The following SLC15A5 variants were observed in gnomAD, a reference collection of about 807,000 sequenced individuals.
The protein encoded by SLC15A5 is Peptide/histidine transporter ENSP00000340402.
A neutral mutation model predicts 56.1 loss-of-function variants in SLC15A5; 58 were observed. That is an observed-to-expected ratio of 1.03 (90% CI 0.84 to 1.29). The LOEUF (loss-of-function observed/expected upper bound fraction) is 1.29. Ranked by LOEUF, SLC15A5 falls within the 50% of genes most tolerant of loss-of-function variation. The pLI, the probability that SLC15A5 is intolerant of heterozygous loss-of-function variation, is 0.00. For missense variants in SLC15A5, 681 were observed against 672.1 expected, an observed-to-expected ratio of 1.01 and a Z score of -0.15; for synonymous variants, 264 against 250.5, an observed-to-expected ratio of 1.05 and a Z score of -0.51.
intron 7 of SLC15A5, among the ~76,000 whole-genome samples, chr12:16,215,851 T>C (rs941114256): frequency 6.6e-6 from 1 of 152,196 alleles, no homozygotes; most frequent in East Asian, 1.9e-4. Flanking sequence ...ATTTCATTGC[T>C]TCCTTGTACC....
In SLC15A5 at chr12:16,243,341, G is replaced by C. The variant is rs558520523; in HGVS notation, c.975+1239C>G. On this transcript the variant is annotated intron_variant, in intron 4 of 8. Transcript: ENST00000344941. The surrounding 1 kb of genome is among the most constrained non-coding windows in gnomAD (Gnocchi z 4.4). ...TTCTCCAGCCTCAGCCTCCCAAGCA[G>C]CTCGGATTACAGGCATGGCCACCAC... 7.3e-5 allele frequency among the ~76,000 whole-genome samples: 11 copies of C among 151,636 alleles called. No homozygotes were observed. In the South Asian group the frequency reaches 2.1e-3, roughly 29 times the overall value.
At chr12:16,253,195 C>T (rs1448160933) in intron 3 of SLC15A5, among the ~76,000 whole-genome samples, 1 of 151,974 alleles carries the variant, frequency 6.6e-6, no homozygotes, top group Non-Finnish European at 1.5e-5. Flanking sequence ...AACTATAGGG[C>T]AACAGCTTCA....
At chr12:16,256,597 C>A (rs1211070524) in intron 3 of SLC15A5, among the ~76,000 whole-genome samples, 1 of 152,168 alleles carries the variant, frequency 6.6e-6, no homozygotes, top group Non-Finnish European at 1.5e-5. Context: ...TGGTGGCTCA[C>A]GCCTGTAATC....
chr12:16,189,855 G>T, intron 8 of SLC15A5, 40 bp from the exon 9 acceptor site: 1 of 1,366,976 alleles, frequency 7.3e-7, no homozygotes, highest in South Asian at 1.8e-5. Context: ...AGGACCAGAT[G>T]TAGATGAATT....
At chr12:16,193,839 GAGAGA>G (rs1464903316) in intron 8 of SLC15A5, among the ~76,000 whole-genome samples, 17 of 133,172 alleles carry the variant, frequency 1.3e-4, no homozygotes, top group African/African-American at 4.8e-4. Flanking sequence ...GAGAGAGAGA[GAGAGA>G]GGCTGGCAAT....
rs1236401787 is a variant in SLC15A5, at chr12:16,237,940, G to A, written c.1162+1741C>T. 1.3e-5 allele frequency among the ~76,000 whole-genome samples: 2 copies of A among 152,002 alleles called. No individual in the cohort carries two copies. The highest frequency in any genetic ancestry group is 2.9e-5 in the Non-Finnish European group (2 of 68,010). ...TTATCTTTATTTTACTGCTAATCCTGGACATTCACCAAATATGTGCTGGCT... is the reference window on the plus strand; with the variant it reads ...TTATCTTTATTTTACTGCTAATCCTAGACATTCACCAAATATGTGCTGGCT... On this transcript the variant is annotated intron_variant, in intron 5 of 8. Transcript: ENST00000344941. The surrounding 1 kb of genome is among the most constrained non-coding windows in gnomAD (Gnocchi z 4.1).
At chr12:16,250,985 G>C (rs539480917) in intron 3 of SLC15A5, among the ~76,000 whole-genome samples, 7 of 151,782 alleles carry the variant, frequency 4.6e-5, no homozygotes, top group Non-Finnish European at 8.8e-5. Context: ...GATAAATAGG[G>C]AATAATATTT....
At chr12:16,263,361 T>C (rs1864661558) in intron 2 of SLC15A5, among the ~76,000 whole-genome samples, 1 of 152,170 alleles carries the variant, frequency 6.6e-6, no homozygotes, top group Non-Finnish European at 1.5e-5. Flanking sequence ...TTAGGGCATC[T>C]GGCAGAAAAA....
At position 16,244,810 on chromosome 12, in the gene SLC15A5, A is replaced by G; in HGVS notation, c.755-10T>C. 6.5e-7 allele frequency: 1 copy of G among 1,535,610 alleles called. No individual in the cohort carries two copies. Among genetic ancestry groups the G allele is most frequent in the Non-Finnish European group, 8.7e-7 (1 of 1,145,146 alleles). On this transcript the variant is annotated splice_polypyrimidine_tract_variant and intron_variant, in intron 3 of 8. Coordinates refer to ENST00000344941, the MANE Select transcript of SLC15A5 (RefSeq NM_001170798.1). ...GTCAGGAGAGAACAACCTGCAAGTA[A>G]TCGGAGATATTATGTATTAGTATAG... is the stretch of plus-strand genomic sequence containing the variant.
At chr12:16,248,553 A>G (rs1426868888) in intron 3 of SLC15A5, among the ~76,000 whole-genome samples, 2 of 152,088 alleles carry the variant, frequency 1.3e-5, no homozygotes, top group Admixed American at 1.3e-4. Context: ...AGTCCAAGAA[A>G]AGGAACTATA....
intron 4 of SLC15A5, 67 bp from the exon 5 acceptor site, chr12:16,239,934 C>T: frequency 1.4e-6 from 2 of 1,386,572 alleles, no homozygotes; most frequent in Non-Finnish European, 1.9e-6. Context: ...GCATCGTCCA[C>T]CAGAGGCCTA....
At position 16,241,837 on chromosome 12, in the gene SLC15A5, A is replaced by G. The variant is rs534750773; in HGVS notation, c.976-1970T>C. ...CACAGACACAGAAATATGTTAACTTAATAATGTGGCAAATGTACTATTAAT... is the reference window on the plus strand; with the variant it reads ...CACAGACACAGAAATATGTTAACTTGATAATGTGGCAAATGTACTATTAAT... On this transcript the variant is annotated intron_variant, in intron 4 of 8. Transcript: ENST00000344941. 2.1e-5 allele frequency among the ~76,000 whole-genome samples: 3 copies of G among 145,210 alleles called. No individual in the cohort carries two copies. The South Asian group carries it at 6.8e-4, about 33-fold the overall frequency.
intron 2 of SLC15A5, among the ~76,000 whole-genome samples, chr12:16,262,698 A>T (rs1864654492): frequency 6.6e-6 from 1 of 152,194 alleles, no homozygotes; most frequent in African/African-American, 2.4e-5. Flanking sequence ...AGCTCTCATA[A>T]TTCCCACATG....
chr12:16,260,348 A>G (rs1189481027), intron 2 of SLC15A5, among the ~76,000 whole-genome samples: 3 of 152,274 alleles, frequency 2.0e-5, no homozygotes, highest in Admixed American at 2.0e-4. Flanking sequence ...AAAAGCCCCT[A>G]GGAAGAGACT....
At chr12:16,254,234 T>G (rs1399661146) in intron 3 of SLC15A5, among the ~76,000 whole-genome samples, 2 of 151,932 alleles carry the variant, frequency 1.3e-5, no homozygotes, top group Non-Finnish European at 2.9e-5. Flanking sequence ...TTTGAAATAA[T>G]AATAATAATA....
rs1000047058 is a variant in SLC15A5 at position 16,237,224 on chromosome 12, G to C, written c.1162+2457C>G. On this transcript the variant is annotated intron_variant, in intron 5 of 8. Transcript: ENST00000344941. The surrounding 1 kb of genome is among the most constrained non-coding windows in gnomAD (Gnocchi z 4.1). ...GTACTTTTATGTCCTGATAAAACTT[G>C]TTAATCTTTCATAATCATAACCAGA... Among the ~76,000 whole-genome samples, 1 of 152,222 alleles carries C rather than the reference G, an allele frequency of 6.6e-6. No individual in the cohort carries two copies. Among genetic ancestry groups the C allele is most frequent in the Middle Eastern group, 3.4e-3 (1 of 294 alleles).
In SLC15A5 at chr12:16,271,048, T is replaced by A. The variant is rs1452115197; in HGVS notation, c.584+1513A>T. On this transcript the variant is annotated intron_variant, in intron 2 of 8. Transcript: ENST00000344941. This position sits in a 1 kb window ranked among gnomAD's most constrained non-coding sequence, Gnocchi z 8.0. ...TTTAGTGAAATCAGAAAATAATTTT[T>A]AAAAATCTAAATATGTTCATCCTAA... is the stretch of plus-strand genomic sequence containing the variant. Among the ~76,000 whole-genome samples, 1 of 152,152 alleles carries A rather than the reference T, an allele frequency of 6.6e-6. No homozygotes were observed. Among genetic ancestry groups the A allele is most frequent in the Non-Finnish European group, 1.5e-5 (1 of 68,022 alleles).
chr12:16,270,900 G>A (rs1455738463), intron 2 of SLC15A5, among the ~76,000 whole-genome samples: 3 of 152,122 alleles, frequency 2.0e-5, no homozygotes, highest in Non-Finnish European at 4.4e-5. Context: ...ATAAAAAAAG[G>A]CAAGACAACC....
intron 7 of SLC15A5, among the ~76,000 whole-genome samples, chr12:16,214,654 G>C (rs80112684): frequency 6.6e-6 from 1 of 152,120 alleles, no homozygotes; most frequent in Non-Finnish European, 1.5e-5. Flanking sequence ...TATTGATGTG[G>C]TTAGTGCATA....
Sources: allele counts gnomAD v4.1 joint callset (sites outside exome capture counted in the v4.1 genomes callset), GRCh38; gene constraint gnomAD v4.1.1; non-coding constraint Gnocchi (gnomAD v3.1); transcripts MANE v1.5; gene names NCBI Gene and HGNC (gene_info 2026-07-23, HGNC 2026-07-21).